The following PRH1 variants were observed in gnomAD, a reference collection of about 807,000 sequenced individuals.
The protein encoded by PRH1 is salivary acidic proline-rich phosphoprotein 1/2.
A neutral mutation model predicts 7.9 loss-of-function variants in PRH1; 7 were observed. That is an observed-to-expected ratio of 0.89 (90% confidence interval 0.50 to 1.67). PRH1 has a LOEUF of 1.67. Ranked by LOEUF, PRH1 falls within the 40% of genes most tolerant of loss-of-function variation. The probability of loss-of-function intolerance (pLI) is 0.00; values close to 1 mark genes in which losing one functional copy is unlikely to be tolerated. For synonymous variants in PRH1, 45 were observed against 80.8 expected, an observed-to-expected ratio of 0.56 and a Z score of 2.38; for missense variants, 109 against 223.6, an observed-to-expected ratio of 0.49 and a Z score of 3.27.
At chr12:11,131,897 A>G (rs941447091) in intron 1 of PRH1, among the ~76,000 whole-genome samples, 1 of 152,184 alleles carries the variant, frequency 6.6e-6, no homozygotes, top group Non-Finnish European at 1.5e-5. Context: ...TTATTTGTTC[A>G]TTAAAATATC....
At chr12:11,005,150 A>G (rs1468363563) in intron 1 of PRH1, among the ~76,000 whole-genome samples, 4 of 152,180 alleles carry the variant, frequency 2.6e-5, no homozygotes, top group Non-Finnish European at 5.9e-5. Flanking sequence ...AATGAATTCA[A>G]TGCTGTCTTT....
At chr12:10,986,436 CA>C (rs1488400891) in intron 1 of PRH1, 5 of 1,613,998 alleles carry the variant, frequency 3.1e-6, no homozygotes, top group Middle Eastern at 1.6e-4. Context: ...AAGAAGATGA[CA>C]AACCAAAAAT....
In PRH1 at chr12:11,075,994, A is replaced by G. The variant is rs1490301931; in HGVS notation, n.124-28806T>C. Reference sequence around the variant, plus strand: ...TGACCTCTCTTTTTATGGTGATTACATTGTACTAGGGAAGATGCATGATAA... The same window carrying G: ...TGACCTCTCTTTTTATGGTGATTACGTTGTACTAGGGAAGATGCATGATAA... On this transcript the variant is annotated intron_variant and non_coding_transcript_variant, in intron 1 of 4. Transcript: ENST00000541977. Among the ~76,000 whole-genome samples, 3 of 120,692 alleles carry G rather than the reference A, an allele frequency of 2.5e-5. 1 individual carries two copies. The highest frequency in any genetic ancestry group is 5.9e-5 in the Non-Finnish European group (3 of 51,260). 79.2% of individuals were successfully genotyped at this position (120,692 alleles called of 152,430 possible).
intron 1 of PRH1, among the ~76,000 whole-genome samples, chr12:10,978,014 T>C (rs893943791): frequency 2.0e-5 from 3 of 151,284 alleles, no homozygotes; most frequent in African/African-American, 7.3e-5. Flanking sequence ...GTGCTATTTC[T>C]GACAAACTAC....
chr12:11,045,296 G>A (rs1308757794), intron 1 of PRH1, among the ~76,000 whole-genome samples: 1 of 145,460 alleles, frequency 6.9e-6, no homozygotes, highest in Non-Finnish European at 1.5e-5. Context: ...TAAAGGGAAG[G>A]AGTGGCTGGT....
chr12:11,118,356 A>C (rs1213660132), downstream of PRH1, among the ~76,000 whole-genome samples: 1 of 152,232 alleles, frequency 6.6e-6, no homozygotes, highest in African/African-American at 2.4e-5. Flanking sequence ...AATGCAAATC[A>C]AAACTAAAAT....
At chr12:11,039,523 A>T (rs1219826650) in intron 1 of PRH1, among the ~76,000 whole-genome samples, 3 of 151,910 alleles carry the variant, frequency 2.0e-5, no homozygotes, top group Non-Finnish European at 2.9e-5. Flanking sequence ...ATGTTCTGCA[A>T]TTTTTTCCTT....
intron 2 of PRH1, among the ~76,000 whole-genome samples, chr12:10,968,366 T>TA (rs1220331275): frequency 1.3e-5 from 2 of 152,190 alleles, no homozygotes. Context: ...TTAAATTACG[T>TA]AGGCATTATC....
chr12:10,953,962 A>AGAG (rs1937820221), intron 2 of PRH1, among the ~76,000 whole-genome samples: 1 of 152,192 alleles, frequency 6.6e-6, no homozygotes, highest in African/African-American at 2.4e-5. Context: ...CATATTCAGA[A>AGAG]ATTTTTTGAA....
At chr12:10,932,610 T>C (rs984523805) in intron 2 of PRH1, among the ~76,000 whole-genome samples, 1 of 152,196 alleles carries the variant, frequency 6.6e-6, no homozygotes, top group African/African-American at 2.4e-5. Flanking sequence ...TCCCAGAAGC[T>C]GAGAGAAACT....
rs199864169 is a variant in PRH1 at position 11,168,368 on chromosome 12, A to AAAAGAAAGAAAG, written n.39+3042_39+3053dup. ...GGGAAAGAAAGGAAAGAAAAGAAAG[A>AAAAGAAAGAAAG]AAAGAAAGAAAGAAAGAAAGAAAGA... is the stretch of plus-strand genomic sequence containing the variant. On this transcript the variant is annotated intron_variant and non_coding_transcript_variant, in intron 1 of 1. Coordinates refer to the PRH1 transcript ENST00000541175. Among the ~76,000 whole-genome samples the AAAAGAAAGAAAG allele has an allele frequency of 6.4e-4, 23 of 36,092 alleles. 2 individuals carry two copies. Among genetic ancestry groups the AAAAGAAAGAAAG allele is most frequent in the African/African-American group, 2.6e-3 (23 of 8,980 alleles). The allele number at this position is 36,092 out of a possible 152,430, so 23.7% of individuals were successfully genotyped here. A position where few individuals can be genotyped will look rare whatever the true frequency, so the allele number is the denominator to read the frequency against.
At chr12:10,931,623 C>T (rs1420842030) in intron 2 of PRH1, among the ~76,000 whole-genome samples, 1 of 152,186 alleles carries the variant, frequency 6.6e-6, no homozygotes, top group African/African-American at 2.4e-5. Flanking sequence ...TTCTCCTCCC[C>T]TCTACCCTTA....
rs991651965 is a variant in PRH1 at position 10,982,614 on chromosome 12, G to A, written c.-125-8893C>T. ...TGTCACTTCTGCTTTCAGTTTAATT[G>A]ACATTTTGCAAAACATCATGTTAAT... is the stretch of plus-strand genomic sequence containing the variant. On this transcript the variant is annotated intron_variant, in intron 1 of 3. Coordinates refer to the PRH1 transcript ENST00000539853. Among the ~76,000 whole-genome samples the A allele has an allele frequency of 2.0e-5, 3 of 152,096 alleles. No individual in the cohort carries two copies. The East Asian group carries it at 5.8e-4, about 29-fold the overall frequency.
At chr12:10,944,792 C>T (rs1030354984) in intron 2 of PRH1, among the ~76,000 whole-genome samples, 6 of 152,066 alleles carry the variant, frequency 3.9e-5, no homozygotes, top group South Asian at 2.1e-4. Context: ...TTATCAAAAG[C>T]CTTTTCTGCA....
intron 1 of PRH1, among the ~76,000 whole-genome samples, chr12:11,128,912 G>A (rs980670982): frequency 8.0e-5 from 12 of 150,576 alleles, no homozygotes; most frequent in African/African-American, 2.9e-4. Flanking sequence ...TTTGACACCA[G>A]TGAGAACTTC....
intron 1 of PRH1, chr12:11,061,285 A>T (rs532799811): frequency 9.0e-5 from 138 of 1,525,010 alleles, no homozygotes; most frequent in Non-Finnish European, 1.2e-4. Context: ...ACATTACAGA[A>T]AACACAGTAA....
At chr12:11,133,889 A>G (rs1946461263) in intron 1 of PRH1, 1 of 1,614,072 alleles carries the variant, frequency 6.2e-7, no homozygotes, top group African/African-American at 1.3e-5. Flanking sequence ...CTTTATGCGA[A>G]GAAAAATAAG....
chr12:11,168,054 T>C (rs896951534), intron 1 of PRH1, among the ~76,000 whole-genome samples: 7 of 151,818 alleles, frequency 4.6e-5, no homozygotes, highest in East Asian at 3.9e-4. Context: ...ATGTGTTTCA[T>C]TGTCTAAAAG....
chr12:11,102,022 C>G (rs958902005), intron 1 of PRH1, among the ~76,000 whole-genome samples: 2 of 152,118 alleles, frequency 1.3e-5, no homozygotes, highest in African/African-American at 4.8e-5. Flanking sequence ...CTACAAACCA[C>G]TGCTCAATGA....
Sources: allele counts gnomAD v4.1 joint callset (sites outside exome capture counted in the v4.1 genomes callset), GRCh38; gene constraint gnomAD v4.1.1; transcripts MANE v1.5; gene names NCBI Gene and HGNC (gene_info 2026-07-23, HGNC 2026-07-21).